Variants in DNAH7 observed in about 807,000 individuals in gnomAD.
The protein encoded by DNAH7 is dynein axonemal heavy chain 7, also known as axonemal beta dynein heavy chain 7.
In DNAH7, 397 loss-of-function variants were observed where a neutral mutation model predicts 444.6. The ratio of observed to expected loss-of-function variants is 0.89; its 90% CI spans 0.82 to 0.97. The LOEUF (loss-of-function observed/expected upper bound fraction) is 0.97, where lower values mean the gene tolerates loss of function less well. Among genes scored for constraint, DNAH7 ranks in the 50% least tolerant of loss-of-function variants. The pLI is 0.00. For synonymous variants in DNAH7, 1,636 were observed against 1,624.4 expected (o/e 1.01, Z -0.17); for missense variants, 4,902 against 4,800.8 (o/e 1.02, Z -0.62).
Position 195,794,401 on chromosome 2 carries a change from GA to G in DNAH7, c.10652del (p.Ile3551ThrfsTer48), listed in dbSNP as rs1434987301. The G allele has an allele frequency of 6.2e-7, 1 of 1,613,988 alleles. No individual in the cohort carries two copies. The highest frequency in any genetic ancestry group is 8.5e-7 in the Non-Finnish European group (1 of 1,180,008). ...TCGGGTCCATGAGGTATGATCGAATGATATTAGCCCGTAAACCTTTTGGTGC... is the reference window on the plus strand; with the variant it reads ...TCGGGTCCATGAGGTATGATCGAATGTATTAGCCCGTAAACCTTTTGGTGC... ...NEAPKGLRANIIRSYLMDPIS... is the reference protein window; with the variant it reads ...NEAPKGLRANXIRSYLMDPIS... On this transcript the variant is annotated frameshift_variant, in exon 57 of 65. Coordinates refer to ENST00000312428, the MANE Select transcript of DNAH7 (RefSeq NM_018897.3). LOFTEE classifies it high-confidence loss of function.
chr2:195,816,012 A>AAAAAC, intron 51 of DNAH7, among the ~76,000 whole-genome samples: 1 of 152,214 alleles, frequency 6.6e-6, no homozygotes. Context: ...AAAACAAAAC[A>AAAAAC]AAAACATGTC....
At chr2:195,866,042 C>T (rs1044966530) in intron 40 of DNAH7, among the ~76,000 whole-genome samples, 38 of 152,172 alleles carry the variant, frequency 2.5e-4, no homozygotes, top group African/African-American at 9.2e-4. Flanking sequence ...CCAACTAATA[C>T]ATATATGCTA....
intron 5 of DNAH7, among the ~76,000 whole-genome samples, chr2:196,031,375 C>T (rs1404302746): frequency 1.3e-5 from 2 of 152,194 alleles, no homozygotes; most frequent in East Asian, 3.9e-4. Context: ...GGAGGGGCTG[C>T]CGTGAAGACC....
intron 27 of DNAH7, among the ~76,000 whole-genome samples, chr2:195,906,402 C>A (rs1239927431): frequency 2.3e-5 from 3 of 128,292 alleles, no homozygotes; most frequent in Admixed American, 7.5e-5. Flanking sequence ...TTTTCACATA[C>A]ACACAGAAAC....
At position 195,861,765 on chromosome 2, in the gene DNAH7, T is replaced by A; in HGVS notation, c.7688A>T (p.Tyr2563Phe). ...TTTGAAGGTGGAGATTAATTCGAGG[T>A]AAGAGGTAGGAGTCACATAATTGTA... ...QRYNYVTPTS[Y>F]LELISTFKLL... Residue 2563 changes from tyrosine to phenylalanine, a missense_variant, in exon 42 of 65, where the codon TAC (tyrosine) becomes TTC (phenylalanine). Physicochemically the swap from Tyr to Phe is conservative, Grantham distance 22. Transcript: ENST00000312428. 6.2e-7 allele frequency: 1 copy of A among 1,613,544 alleles called. No individual in the cohort carries two copies. The highest frequency in any genetic ancestry group is 8.5e-7 in the Non-Finnish European group (1 of 1,179,580).
Position 195,787,013 on chromosome 2 carries a change from A to C in DNAH7, c.10875T>G (p.Tyr3625Ter). 5 of 1,580,752 alleles carry C rather than the reference A, an allele frequency of 3.2e-6. No homozygotes were observed. The highest frequency in any genetic ancestry group is 3.4e-6 in the Non-Finnish European group (4 of 1,168,144). ...CTTGCTGTGATTTTTATGATACCTC[A>C]TACTGGTTCAGGAACATGTGGAGCT... Reference protein sequence around the residue: ...VQQLHMFLNQYEELPYEALRY... With the variant: ...VQQLHMFLNQ Residue 3625 changes from tyrosine to a stop codon, truncating the protein, a stop_gained, in exon 58 of 65, where the codon TAT becomes TAG. Coordinates refer to ENST00000312428, the MANE Select transcript of DNAH7 (RefSeq NM_018897.3). LOFTEE classifies it high-confidence loss of function.
chr2:195,903,251 T>TAA (rs1434979199), intron 27 of DNAH7: 11 of 152,056 alleles, frequency 7.2e-5, no homozygotes, highest in African/African-American at 2.7e-4. Flanking sequence ...AAAAAAAAAA[T>TAA]TAAGCAATAA....
At chr2:195,762,804 A>G (rs1694407130) in intron 61 of DNAH7, among the ~76,000 whole-genome samples, 1 of 152,090 alleles carries the variant, frequency 6.6e-6, no homozygotes, top group Non-Finnish European at 1.5e-5. Context: ...CCCTACTTTC[A>G]GCATCAGACA....
At chr2:195,844,925 C>T in intron 47 of DNAH7, 77 bp downstream of exon 47, 2 of 1,361,098 alleles carry the variant, frequency 1.5e-6, no homozygotes, top group South Asian at 1.5e-5. Context: ...AGTTTGCTAC[C>T]TAAAATTGTT....
At chr2:196,006,223 T>A (rs959054737) in intron 10 of DNAH7, among the ~76,000 whole-genome samples, 1 of 151,960 alleles carries the variant, frequency 6.6e-6, no homozygotes, top group African/African-American at 2.4e-5. Flanking sequence ...CAAGAAACAC[T>A]TGAACCCAGG....
intron 58 of DNAH7, among the ~76,000 whole-genome samples, chr2:195,778,709 TATATATACAC>T (rs1487306885): frequency 7.8e-5 from 5 of 63,862 alleles, no homozygotes; most frequent in Non-Finnish European, 1.6e-4. Flanking sequence ...TATATACACA[TATATATACAC>T]ATATATATAT....
At chr2:195,955,114 A>C (rs1207873572) in intron 19 of DNAH7, among the ~76,000 whole-genome samples, 1 of 152,102 alleles carries the variant, frequency 6.6e-6, no homozygotes, top group Non-Finnish European at 1.5e-5. Flanking sequence ...CTATGTCTTG[A>C]ATGGTATTGC....
chr2:195,888,366 C>T lies in DNAH7; in HGVS notation c.5298G>A (p.Trp1766Ter), dbSNP rs1559187888. 1 of 1,608,846 alleles carries T rather than the reference C, an allele frequency of 6.2e-7. No homozygotes were observed. Among genetic ancestry groups the T allele is most frequent in the East Asian group, 2.2e-5 (1 of 44,588 alleles). Residue 1766 changes from tryptophan to a stop codon, truncating the protein, a stop_gained, in exon 33 of 65, where the codon TGG becomes TGA. Coordinates refer to ENST00000312428, the MANE Select transcript of DNAH7 (RefSeq NM_018897.3). LOFTEE classifies it high-confidence loss of function. The part of the protein sequence containing the change: ...MLGWRPLMLS[W>*]VNLLPASVSV... The stretch of plus-strand genomic sequence containing the variant: ...TGACTGACGCAGGTAACAGATTCAC[C>T]CAGGACAACATCAGTGGTCTCCAGC...
At chr2:195,788,033 A>G (rs541308755) in intron 57 of DNAH7, among the ~76,000 whole-genome samples, 1 of 152,336 alleles carries the variant, frequency 6.6e-6, no homozygotes, top group African/African-American at 2.4e-5. Flanking sequence ...CATCTTGAGT[A>G]GAGACACTGC....
intron 21 of DNAH7, among the ~76,000 whole-genome samples, chr2:195,933,250 A>C (rs1276823082): frequency 6.6e-6 from 1 of 152,206 alleles, no homozygotes; most frequent in African/African-American, 2.4e-5. Flanking sequence ...GTCAGGAAAC[A>C]ACAGGTGCTG....
chr2:195,926,389 A>C (rs778071053), intron 22 of DNAH7, 37 bp downstream of exon 22: 5 of 1,454,632 alleles, frequency 3.4e-6, no homozygotes, highest in South Asian at 1.6e-5. Context: ...CTATTGAAAA[A>C]ATGCTTAAAA....
intron 49 of DNAH7, among the ~76,000 whole-genome samples, chr2:195,818,905 T>C (rs1370005975): frequency 6.6e-6 from 1 of 152,182 alleles, no homozygotes; most frequent in African/African-American, 2.4e-5. Flanking sequence ...CTCTTTATTA[T>C]CACCATGTAT....
At chr2:196,033,243 C>A (rs764093413) in intron 5 of DNAH7, among the ~76,000 whole-genome samples, 1 of 152,070 alleles carries the variant, frequency 6.6e-6, no homozygotes, top group Non-Finnish European at 1.5e-5. Flanking sequence ...TTTATTAATA[C>A]AATGTGGAAT....
chr2:195,914,141 C>T (rs1471863529), intron 24 of DNAH7, among the ~76,000 whole-genome samples: 1 of 152,200 alleles, frequency 6.6e-6, no homozygotes, highest in Non-Finnish European at 1.5e-5. Flanking sequence ...ATATTTCACT[C>T]AGTACACTGT....
Sources: allele counts gnomAD v4.1 joint callset (sites outside exome capture counted in the v4.1 genomes callset), GRCh38; gene constraint gnomAD v4.1.1; transcripts MANE v1.5; gene names NCBI Gene and HGNC (gene_info 2026-07-23, HGNC 2026-07-21).